PCDHGB2: variants seen among roughly 807,000 people sequenced by gnomAD.
PCDHGB2 encodes protocadherin gamma-B2.
Under a neutral mutation model 59.3 loss-of-function variants are expected in PCDHGB2, and 55 were observed. That is an observed-to-expected ratio of 0.93 (90% CI 0.75 to 1.16). The LOEUF is 1.16. PCDHGB2 is among the 50% of genes most tolerant of loss of function. The pLI, the probability that PCDHGB2 is intolerant of heterozygous loss-of-function variation, is 0.00. For missense variants in PCDHGB2, 1,228 were observed against 1,198.5 expected (o/e 1.02, Z -0.36); for synonymous variants, 516 against 512.0 (o/e 1.01, Z -0.11).
intron 1 of PCDHGB2, chr5:141,372,569 C>T (rs1768882362): frequency 1.9e-6 from 3 of 1,614,034 alleles, no homozygotes; most frequent in African/African-American, 2.7e-5. Context: ...CCACTGAGGG[C>T]TACTTTCAGC....
Position 141,409,135 on chromosome 5 carries a change from T to C in PCDHGB2, c.2421+46579T>C, listed in dbSNP as rs748247175. 3.1e-6 allele frequency: 5 copies of C among 1,614,026 alleles called. No homozygotes were observed. In the South Asian group the frequency reaches 3.3e-5, roughly 11 times the overall value. On this transcript the variant is annotated intron_variant, in intron 1 of 3. Coordinates refer to ENST00000522605, the MANE Select transcript of PCDHGB2 (RefSeq NM_018923.3). ...ATAACCAGTCATTTGATTTTGAAGA[T>C]GTAGAAAGGTACACCATGGAAGTGG...
Position 141,360,398 on chromosome 5 carries a change from A to T in PCDHGB2, c.263A>T (p.Asp88Val). The T allele has an allele frequency of 6.2e-7, 1 of 1,613,926 alleles. No individual in the cohort carries two copies. Among genetic ancestry groups the T allele is most frequent in the Non-Finnish European group, 8.5e-7 (1 of 1,179,826 alleles). The change falls in exon 1 of 4, where the codon GAC (aspartate) becomes GTC (valine). Residue 88 changes from aspartate to valine, a missense_variant. This residue lies in a region of PCDHGB2 where 781 missense variants were observed against 721.6 expected (regional missense o/e 1.08). Transcript: ENST00000522605. ...NPESGDLLVS[D>V]RIDREQICGK... ...GAAAGCGGAGACTTACTTGTGAGTG[A>T]CAGAATAGACCGAGAACAGATATGC...
intron 2 of PCDHGB2, among the ~76,000 whole-genome samples, chr5:141,500,469 A>G (rs917974103): frequency 1.3e-5 from 2 of 152,052 alleles, no homozygotes; most frequent in East Asian, 1.9e-4. Context: ...TCGGCCTCCC[A>G]AAGTGCTGGG....
chr5:141,496,523 G>T (rs1159517569), intron 2 of PCDHGB2, among the ~76,000 whole-genome samples: 1 of 152,128 alleles, frequency 6.6e-6, no homozygotes, highest in Non-Finnish European at 1.5e-5. Context: ...GGAGCCCTTG[G>T]TGTATGGCAG....
At chr5:141,362,608 T>C in intron 1 of PCDHGB2, 52 bp downstream of exon 1, 1 of 1,564,044 alleles carries the variant, frequency 6.4e-7, no homozygotes, top group Non-Finnish European at 8.7e-7. Flanking sequence ...TTCACCTAAT[T>C]TGGGTAGGAA....
chr5:141,371,597 A>T (rs982667859), intron 1 of PCDHGB2: 1 of 1,613,908 alleles, frequency 6.2e-7, no homozygotes, highest in African/African-American at 1.3e-5. Context: ...CCAAAAACAC[A>T]TACAGGTTGG....
chr5:141,419,662 T>C (rs767190243), intron 1 of PCDHGB2: 140 of 1,612,700 alleles, frequency 8.7e-5, no homozygotes, highest in South Asian at 2.2e-5. Flanking sequence ...CGGGGCACAA[T>C]GCCTGGCTGT....
chr5:141,399,283 G>A, intron 1 of PCDHGB2: 2 of 1,613,888 alleles, frequency 1.2e-6, no homozygotes, highest in Non-Finnish European at 1.7e-6. Flanking sequence ...ACAAGGCGAA[G>A]TCCCTTTTAA....
intron 1 of PCDHGB2, chr5:141,409,208 G>A: frequency 6.2e-7 from 1 of 1,613,984 alleles, no homozygotes; most frequent in South Asian, 1.1e-5. Context: ...AGTAATCATA[G>A]AAATCCTTGA....
chr5:141,371,611 CAGAT>C, intron 1 of PCDHGB2: 1 of 1,613,996 alleles, frequency 6.2e-7, no homozygotes, highest in African/African-American at 1.3e-5. Context: ...AGGTTGGTGA[CAGAT>C]GGAGCCCTGG....
At position 141,371,437 on chromosome 5, in the gene PCDHGB2, C is replaced by A. The variant is rs1330238991; in HGVS notation, c.2421+8881C>A. 4 of 1,613,962 alleles carry A rather than the reference C, an allele frequency of 2.5e-6. 1 individual carries two copies. The highest frequency in any genetic ancestry group is 1.1e-5 in the South Asian group (1 of 91,078). On this transcript the variant is annotated intron_variant, in intron 1 of 3. Coordinates refer to ENST00000522605, the MANE Select transcript of PCDHGB2 (RefSeq NM_018923.3). ...GAAAATGACAATGCCCCGGAGATAACCCTGGCTTCTGAATCCCAACATATA... is the reference window on the plus strand; with the variant it reads ...GAAAATGACAATGCCCCGGAGATAAACCTGGCTTCTGAATCCCAACATATA...
intron 1 of PCDHGB2, among the ~76,000 whole-genome samples, chr5:141,467,735 C>T (rs557555571): frequency 3.3e-5 from 5 of 152,182 alleles, no homozygotes; most frequent in East Asian, 3.9e-4. Flanking sequence ...AATCCCAGCT[C>T]GCTGCAACCT....
chr5:141,433,140 CAGGTGATTCGGTATTTTCTAAAG>C (rs2097570930), intron 1 of PCDHGB2: 1 of 1,613,948 alleles, frequency 6.2e-7, no homozygotes, highest in Non-Finnish European at 8.5e-7. Flanking sequence ...CTTTTGCTGT[CAGGTGATTCGGTATTTTCTAAAG>C]ACAGTCATGG....
intron 1 of PCDHGB2, chr5:141,383,196 T>C (rs7704696): frequency 0.066 from 106,221 of 1,613,864 alleles, 4,924 homozygotes; most frequent in African/African-American, 0.24. Context: ...GCGCTCAGAG[T>C]GCGCGGTGTC....
intron 1 of PCDHGB2, among the ~76,000 whole-genome samples, chr5:141,450,259 C>A (rs1243327669): frequency 6.6e-6 from 1 of 152,118 alleles, no homozygotes; most frequent in East Asian, 1.9e-4. Context: ...CTCAAGTGAT[C>A]TGCCCACCTC....
intron 1 of PCDHGB2, among the ~76,000 whole-genome samples, chr5:141,472,409 C>T (rs2099279484): frequency 6.6e-6 from 1 of 152,016 alleles, no homozygotes; most frequent in South Asian, 2.1e-4. Flanking sequence ...GGCGTGGTGG[C>T]ACGCACCTGT....
chr5:141,464,402 G>GAT (rs1039725208), intron 1 of PCDHGB2, among the ~76,000 whole-genome samples: 22 of 150,720 alleles, frequency 1.5e-4, no homozygotes, highest in Admixed American at 7.3e-4. Context: ...AAGAACCTGA[G>GAT]ATATATATAT....
In PCDHGB2 at chr5:141,361,179, T is replaced by C; in HGVS notation, c.1044T>C (p.Ile348=). 6.2e-7 allele frequency: 1 copy of C among 1,613,926 alleles called. No homozygotes were observed. The highest frequency in any genetic ancestry group is 8.5e-7 in the Non-Finnish European group (1 of 1,179,862). ...ACAACGATTGTGCACCTGAAGTTATTGTGACTTCAGTATCTACTCCCCTAC... is the reference window on the plus strand; with the variant it reads ...ACAACGATTGTGCACCTGAAGTTATCGTGACTTCAGTATCTACTCCCCTAC... The part of the protein sequence containing the change: ...LDDNDCAPEV[I]VTSVSTPLPE... The change falls in exon 1 of 4, where the codon ATT becomes ATC. Residue 348 remains isoleucine, a synonymous_variant. Coordinates refer to ENST00000522605, the MANE Select transcript of PCDHGB2 (RefSeq NM_018923.3).
At chr5:141,383,707 G>A in intron 1 of PCDHGB2, 3 of 1,613,998 alleles carry the variant, frequency 1.9e-6, no homozygotes, top group Non-Finnish European at 2.5e-6. Context: ...TATCGACCTG[G>A]ACGAGGGAGT....
Sources: allele counts gnomAD v4.1 joint callset (sites outside exome capture counted in the v4.1 genomes callset), GRCh38; gene constraint gnomAD v4.1.1; regional missense constraint gnomAD v4.1.1; transcripts MANE v1.5; gene names NCBI Gene and HGNC (gene_info 2026-07-23, HGNC 2026-07-21).